Variants in LRRC37B observed in about 807,000 individuals in gnomAD.
The protein encoded by LRRC37B is leucine rich repeat containing 37B.
In LRRC37B, 28 loss-of-function variants were observed where a neutral mutation model predicts 98.3. The observed-to-expected ratio is 0.28, with a 90% CI of 0.21 to 0.39. The LOEUF (loss-of-function observed/expected upper bound fraction) is 0.39. Ranked by LOEUF, LRRC37B falls within the 10% of genes least tolerant of loss-of-function variation. The probability of loss-of-function intolerance (pLI) is 1.00; values close to 1 mark genes in which losing one functional copy is unlikely to be tolerated. For missense variants in LRRC37B, 938 were observed against 1,182.7 expected, an observed-to-expected ratio of 0.79 and a Z score of 3.03; for synonymous variants, 364 against 442.7, an observed-to-expected ratio of 0.82 and a Z score of 2.23.
At chr17:32,017,394 T>G (rs997556903), upstream of LRRC37B, among the ~76,000 whole-genome samples, 2 of 152,250 alleles carry the variant, frequency 1.3e-5, no homozygotes, top group African/African-American at 2.4e-5. Context: ...ATATTGTGAT[T>G]GAACATTTTT....
intron 7 of LRRC37B, among the ~76,000 whole-genome samples, chr17:32,039,479 AATATATATATATATATAT>A (rs1185838390): frequency 2.8e-4 from 11 of 38,842 alleles, no homozygotes; most frequent in African/African-American, 8.9e-4. Flanking sequence ...CCTGCCTAAA[AATATATATATATATATAT>A]ATATATATAT....
exon 12 of LRRC37B, chr17:32,053,430 G>A (rs1001271955): frequency 2.9e-6 from 2 of 699,104 alleles, no homozygotes; most frequent in Non-Finnish European, 4.7e-6. Context: ...TTACTTTGTG[G>A]TTGTGTTCCT....
At chr17:32,029,451 GAAGAAA>G (rs1488058437) in intron 3 of LRRC37B, among the ~76,000 whole-genome samples, 62 of 152,220 alleles carry the variant, frequency 4.1e-4, no homozygotes, top group African/African-American at 1.4e-3. Flanking sequence ...ACATTAAGAA[GAAGAAA>G]TGGATGTGGG....
upstream of LRRC37B, chr17:32,017,977 G>GTT (rs1386526014): frequency 1.8e-5 from 4 of 219,946 alleles, no homozygotes; most frequent in Non-Finnish European, 3.9e-5. Context: ...TTCAGAAAGT[G>GTT]GTAAAATAGC....
At chr17:32,041,470 G>A in intron 7 of LRRC37B, 1 of 671,824 alleles carries the variant, frequency 1.5e-6, no homozygotes, top group East Asian at 3.0e-5. Context: ...ATGCTGGACA[G>A]CCAGTTGGGC....
At chr17:32,009,866 G>C (rs1359510504) in intron 1 of LRRC37B, among the ~76,000 whole-genome samples, 1 of 151,008 alleles carries the variant, frequency 6.6e-6, no homozygotes, top group Non-Finnish European at 1.5e-5. Flanking sequence ...GGCTGGTCTT[G>C]AACTCCTGAG....
Position 32,022,023 on chromosome 17 carries a change from C to T in LRRC37B, c.958C>T (p.Gln320Ter). 6.2e-7 allele frequency: 1 copy of T among 1,614,004 alleles called. No individual in the cohort carries two copies. The highest frequency in any genetic ancestry group is 1.1e-5 in the South Asian group (1 of 91,072). The stretch of plus-strand genomic sequence containing the variant: ...CCCAGCGCAGCTTCTACAGCTCCCT[C>T]AGGAGGTAGAACCTTCAACCCAGCA... The change falls in exon 1 of 12, where the codon CAG becomes TAG. Residue 320 changes from glutamine to a stop codon, truncating the protein, a stop_gained. Transcript: ENST00000327564. LOFTEE classifies it high-confidence loss of function.
At chr17:32,009,202 C>T (rs944756219) in intron 1 of LRRC37B, among the ~76,000 whole-genome samples, 17 of 151,872 alleles carry the variant, frequency 1.1e-4, no homozygotes, top group African/African-American at 3.6e-4. Context: ...GGTTCTGAGC[C>T]TCTTTTTATG....
At chr17:32,031,000 T>C (rs924124265) in intron 4 of LRRC37B, among the ~76,000 whole-genome samples, 1 of 152,134 alleles carries the variant, frequency 6.6e-6, no homozygotes, top group Non-Finnish European at 1.5e-5. Context: ...TTGACAAAAC[T>C]GTGGTTGTGC....
intron 3 of LRRC37B, 116 bp downstream of exon 6, chr17:32,027,956 T>C: frequency 1.4e-6 from 1 of 737,658 alleles, no homozygotes; most frequent in Admixed American, 3.0e-5. Context: ...TGCAATTCTG[T>C]AAGTTTGTAT....
At chr17:32,039,565 A>G (rs540199054) in intron 7 of LRRC37B, among the ~76,000 whole-genome samples, 53 of 127,014 alleles carry the variant, frequency 4.2e-4, no homozygotes, top group African/African-American at 1.6e-3. Context: ...TATTCTATAT[A>G]TATATTTCTA....
chr17:32,047,112 G>C (rs1433376946), intron 8 of LRRC37B: 2 of 155,688 alleles, frequency 1.3e-5, no homozygotes, highest in Non-Finnish European at 2.9e-5. Flanking sequence ...CCAAATTTAA[G>C]AAAAGAACTA....
At chr17:32,037,625 A>G (rs1189431849) in intron 7 of LRRC37B, among the ~76,000 whole-genome samples, 1 of 152,196 alleles carries the variant, frequency 6.6e-6, no homozygotes, top group Non-Finnish European at 1.5e-5. Flanking sequence ...CTACTGCTAG[A>G]TGTGTAGTGG....
At position 32,035,549 on chromosome 17, in the gene LRRC37B, C is replaced by T. The variant is rs549426111; in HGVS notation, c.2130-16C>T. ...TAATGGGTTCATATCATGAATGTTT[C>T]GGCTTTCTTCTTCAGAGACATGGGA... On this transcript the variant is annotated splice_polypyrimidine_tract_variant and intron_variant, in intron 6 of 11. Transcript: ENST00000327564. The T allele has an allele frequency of 7.0e-5, 112 of 1,606,036 alleles. No homozygotes were observed. The highest frequency in any genetic ancestry group is 1.1e-4 in the East Asian group (5 of 44,688).
In LRRC37B at chr17:32,041,915, C is replaced by G. The variant is rs547096458; in HGVS notation, c.2205-3785C>G. Reference sequence around the variant, plus strand: ...ACCCCATGGGGGCCCAGCCCACAGCCTACCCTCGAGTTCCACGGCCTTAAC... The same window carrying G: ...ACCCCATGGGGGCCCAGCCCACAGCGTACCCTCGAGTTCCACGGCCTTAAC... On this transcript the variant is annotated intron_variant, in intron 7 of 11. Transcript: ENST00000327564. 7 of 439,514 alleles carry G rather than the reference C, an allele frequency of 1.6e-5. No individual in the cohort carries two copies. In the Admixed American group the frequency reaches 1.8e-4, roughly 11 times the overall value. 27.2% of individuals were successfully genotyped at this position (439,514 alleles called of 1,614,324 possible). A position where few individuals can be genotyped will look rare whatever the true frequency, so the allele number is the denominator to read the frequency against.
At chr17:32,016,795 T>A (rs529798393), upstream of LRRC37B, 1 of 152,332 alleles carries the variant, frequency 6.6e-6, no homozygotes, top group South Asian at 2.1e-4. Flanking sequence ...CTGAAGATTG[T>A]GAGAAACTGC....
chr17:32,037,570 C>A (rs1158944166), intron 7 of LRRC37B, among the ~76,000 whole-genome samples: 1 of 152,060 alleles, frequency 6.6e-6, no homozygotes, highest in African/African-American at 2.4e-5. Context: ...ATGGCCCAGC[C>A]CAGCAGATTC....
intron 7 of LRRC37B, among the ~76,000 whole-genome samples, chr17:32,039,479 AATATATATATATATATATAT>A (rs1185838390): frequency 2.6e-5 from 1 of 38,852 alleles, no homozygotes; most frequent in African/African-American, 1.0e-4. Context: ...CCTGCCTAAA[AATATATATATATATATATAT>A]ATATATATAT....
chr17:32,029,202 C>G (rs894489632), intron 3 of LRRC37B, among the ~76,000 whole-genome samples: 9 of 152,084 alleles, frequency 5.9e-5, no homozygotes, highest in Admixed American at 5.9e-4. Flanking sequence ...GGGGTTTCAC[C>G]TTGTTAGCCA....
Sources: gnomAD v4.1 joint callset for allele counts (sites outside exome capture counted in the v4.1 genomes callset) on GRCh38, gnomAD v4.1.1 for gene constraint, MANE v1.5 for transcripts, NCBI Gene and HGNC (gene_info 2026-07-23, HGNC 2026-07-21) for gene names.